Variants in SAMD9L observed in about 807,000 individuals in gnomAD.
SAMD9L encodes sterile alpha motif domain-containing protein 9-like.
Under a neutral mutation model 90.7 loss-of-function variants are expected in SAMD9L, and 68 were observed. That is an observed-to-expected ratio of 0.75 (90% confidence interval 0.62 to 0.92). The LOEUF (loss-of-function observed/expected upper bound fraction) is 0.92. Among genes scored for constraint, SAMD9L ranks in the 40% least tolerant of loss-of-function variants. The pLI is 0.00. For synonymous variants in SAMD9L, 640 were observed against 630.1 expected (o/e 1.02, Z -0.23); for missense variants, 1,604 against 1,824.3 (o/e 0.88, Z 2.20).
At chr7:93,141,828 C>T (rs1403210442) in intron 4 of SAMD9L, among the ~76,000 whole-genome samples, 1 of 152,222 alleles carries the variant, frequency 6.6e-6, no homozygotes. Flanking sequence ...ATGTCACTGA[C>T]TCTTAGTCAG....
In SAMD9L at chr7:93,134,977, A is replaced by AT. The variant is rs773965929; in HGVS notation, c.994dup (p.Ile332AsnfsTer17). ...TGAAAGATTTTGGTTTTGTTTCCAT[A>AT]TTTTATCTTTACAAATTTGCATCTG... On this transcript the variant is annotated frameshift_variant, in exon 5 of 5. Transcript: ENST00000318238. LOFTEE classifies it low-confidence loss of function (END_TRUNC). 20 of 1,613,306 alleles carry AT rather than the reference A, an allele frequency of 1.2e-5. No homozygotes were observed. The highest frequency in any genetic ancestry group is 1.7e-5 in the Non-Finnish European group (20 of 1,179,450).
intron 4 of SAMD9L, among the ~76,000 whole-genome samples, chr7:93,137,498 C>T (rs952226670): frequency 1.3e-5 from 2 of 151,900 alleles, no homozygotes; most frequent in African/African-American, 4.8e-5. Context: ...CTCAGGGCTC[C>T]CACTGAGTCT....
Position 93,133,986 on chromosome 7 carries a change from A to G in SAMD9L, c.1986T>C (p.Asn662=). 6.2e-7 allele frequency: 1 copy of G among 1,613,576 alleles called. No homozygotes were observed. ...VLTALEILCE[N]ECTETDIEKD... is the part of the protein sequence containing the mutation. The stretch of plus-strand genomic sequence containing the variant: ...TCTCGATGTCTGTCTCTGTACACTC[A>G]TTTTCACAGAGGATTTCCAGTGCAG... The change falls in exon 5 of 5, where the codon AAT becomes AAC. Residue 662 remains asparagine (N), a synonymous_variant. Transcript: ENST00000318238.
chr7:93,133,755 A>C lies in SAMD9L; in HGVS notation c.2217T>G (p.Leu739=). ...TACCTCCACAGCCTGGATGATGATA[A>C]AGATTGATGATTTTTGCAAATATTG... is the stretch of plus-strand genomic sequence containing the variant. ...PKPIFAKIIN[L]YHHPGCGGTT... is the part of the protein sequence containing the mutation. Residue 739 remains leucine (L), a synonymous_variant, in exon 5 of 5, where the codon CTT becomes CTG. Transcript: ENST00000318238. 1 of 1,613,842 alleles carries C rather than the reference A, an allele frequency of 6.2e-7. No individual in the cohort carries two copies.
At chr7:93,148,090 A>C (rs1792962265) in intron 1 of SAMD9L, 104 bp downstream of exon 1, 1 of 152,256 alleles carries the variant, frequency 6.6e-6, no homozygotes, top group African/African-American at 2.4e-5. Context: ...GTAATCGTTT[A>C]TGTACAAACA....
intron 4 of SAMD9L, among the ~76,000 whole-genome samples, chr7:93,141,871 C>G (rs1480933339): frequency 1.3e-5 from 2 of 152,200 alleles, no homozygotes; most frequent in African/African-American, 4.8e-5. Flanking sequence ...TCTGACTTCT[C>G]ATCTCGCATG....
chr7:93,138,730 C>T (rs1461288496), intron 4 of SAMD9L, among the ~76,000 whole-genome samples: 1 of 152,104 alleles, frequency 6.6e-6, no homozygotes, highest in Non-Finnish European at 1.5e-5. Flanking sequence ...CCTACTCTTG[C>T]ACCCAGAGCC....
rs1562791205 is a variant in SAMD9L, at chr7:93,133,497, C to T, written c.2475G>A (p.Lys825=). 6.2e-7 allele frequency: 1 copy of T among 1,612,466 alleles called. No individual in the cohort carries two copies. Among genetic ancestry groups the T allele is most frequent in the Non-Finnish European group, 8.5e-7 (1 of 1,179,334 alleles). The change falls in exon 5 of 5, where the codon AAG becomes AAA. Residue 825 remains lysine (K), a synonymous_variant. Transcript: ENST00000318238. The stretch of plus-strand genomic sequence containing the variant: ...CCAATGTTTTTTCATATCGCAAATC[C>T]TTTTCTGCTAAAACGGAATGGATGG... ...QNAIHSVLAE[K]DLRYEKTLVI...
In SAMD9L at chr7:93,133,269, T is replaced by C; in HGVS notation, c.2703A>G (p.Ile901Met). The change falls in exon 5 of 5, where the codon ATA becomes ATG. Residue 901 changes from isoleucine to methionine, a missense_variant. Ile to Met is a conservative substitution (Grantham distance 10). This residue lies in a region of SAMD9L where 606 missense variants were observed against 717.6 expected (regional missense o/e 0.84). Transcript: ENST00000318238. ...TTAGGATATTCCTGACTACATTTTC[T>C]ATATATGTTTCATCAAAATTGCTTT... ...IMKSNFDETY[I>M]ENVVRNILKG... The C allele has an allele frequency of 3.1e-6, 5 of 1,612,756 alleles. No individual in the cohort carries two copies. The highest frequency in any genetic ancestry group is 4.2e-6 in the Non-Finnish European group (5 of 1,179,290).
chr7:93,142,573 A>G (rs1400559375), intron 4 of SAMD9L, among the ~76,000 whole-genome samples: 1 of 152,190 alleles, frequency 6.6e-6, no homozygotes. Flanking sequence ...TTGATGTCCT[A>G]TTGTAAGCTC....
chr7:93,143,014 A>G (rs1562802454), intron 4 of SAMD9L, among the ~76,000 whole-genome samples: 1 of 152,220 alleles, frequency 6.6e-6, no homozygotes, highest in Non-Finnish European at 1.5e-5. Flanking sequence ...TTACATGCCC[A>G]GAGACACTGT....
At chr7:93,136,910 C>G (rs1792476858) in intron 4 of SAMD9L, among the ~76,000 whole-genome samples, 1 of 152,144 alleles carries the variant, frequency 6.6e-6, no homozygotes, top group Non-Finnish European at 1.5e-5. Context: ...ACAAGACCAA[C>G]AGCAGTGGTT....
Position 93,135,433 on chromosome 7 carries a change from T to A in SAMD9L, c.539A>T (p.His180Leu), listed in dbSNP as rs1415610838. The A allele has an allele frequency of 6.2e-7, 1 of 1,614,194 alleles. No homozygotes were observed. The highest frequency in any genetic ancestry group is 8.5e-7 in the Non-Finnish European group (1 of 1,179,992). Reference sequence around the variant, plus strand: ...TCCTGTTTCAGGTTGTAGAGTATAATGTTCTATGTAGCGATGGCTGTCATG... The same window carrying A: ...TCCTGTTTCAGGTTGTAGAGTATAAAGTTCTATGTAGCGATGGCTGTCATG... The part of the protein sequence containing the change: ...QFHDSHRYIE[H>L]YTLQPETGAL... Residue 180 changes from histidine to leucine, a missense_variant, in exon 5 of 5, where the codon CAT becomes CTT. Around this residue, in one of 7 missense-constraint regions of SAMD9L, gnomAD observed 374 missense variants for 363.6 expected, o/e 1.03. Transcript: ENST00000318238.
rs1562790588 is a variant in SAMD9L, at chr7:93,133,180, TA to T, written c.2791del (p.Tyr931MetfsTer30). On this transcript the variant is annotated frameshift_variant, in exon 5 of 5. Coordinates refer to ENST00000318238, the MANE Select transcript of SAMD9L (RefSeq NM_152703.5). LOFTEE classifies it high-confidence loss of function. ...AACTGAAATTGTAGAGTCAGTAACA[TA>T]AGAGCTGAGTAAAGCCAGGAAGGAA... The part of the protein sequence containing the change: ...LISFLALLSS[Y>X]VTDSTISVSQ... The T allele has an allele frequency of 6.2e-7, 1 of 1,613,448 alleles. No individual in the cohort carries two copies. Among genetic ancestry groups the T allele is most frequent in the African/African-American group, 1.3e-5 (1 of 74,902 alleles).
At position 93,132,743 on chromosome 7, in the gene SAMD9L, G is replaced by T. The variant is rs373868315; in HGVS notation, c.3229C>A (p.Arg1077=). ...IEKVLSAGSR[R]FPQNAFICQA... is the part of the protein sequence containing the mutation. ...CAAATGAATGCATTTTGTGGGAATCGTCTACTTCCTGCACTCAAGACCTTT... is the reference window on the plus strand; with the variant it reads ...CAAATGAATGCATTTTGTGGGAATCTTCTACTTCCTGCACTCAAGACCTTT... The change falls in exon 5 of 5, where the codon CGA becomes AGA. Residue 1077 remains arginine, a synonymous_variant. Transcript: ENST00000318238. The T allele has an allele frequency of 1.9e-6, 3 of 1,613,646 alleles. No individual in the cohort carries two copies. The highest frequency in any genetic ancestry group is 2.7e-5 in the African/African-American group (2 of 74,890).
Position 93,132,589 on chromosome 7 carries a change from T to C in SAMD9L, c.3383A>G (p.Lys1128Arg). 1 of 1,613,862 alleles carries C rather than the reference T, an allele frequency of 6.2e-7. No homozygotes were observed. Among genetic ancestry groups the C allele is most frequent in the East Asian group, 2.2e-5 (1 of 44,880 alleles). ...YISDTLGQVY[K>R]SEIKWWLDGN... Reference sequence around the variant, plus strand: ...ATCCAACCACCATTTGATTTCACTTTTGTAGACTTGACCTAGTGTATCTGA... The same window carrying C: ...ATCCAACCACCATTTGATTTCACTTCTGTAGACTTGACCTAGTGTATCTGA... Residue 1128 changes from lysine to arginine, a missense_variant, in exon 5 of 5, where the codon AAA becomes AGA. By Grantham distance (26) the Lys-to-Arg change is conservative (BLOSUM62 2). This residue lies in a region of SAMD9L where 302 missense variants were observed against 314.7 expected (regional missense o/e 0.96). Coordinates refer to ENST00000318238, the MANE Select transcript of SAMD9L (RefSeq NM_152703.5).
chr7:93,147,477 C>G (rs770501678), intron 1 of SAMD9L, among the ~76,000 whole-genome samples: 26 of 152,174 alleles, frequency 1.7e-4, no homozygotes, highest in Admixed American at 5.9e-4. Flanking sequence ...ACAAGCCCAC[C>G]CCATCTTTGA....
chr7:93,139,516 G>A (rs1792597143), intron 4 of SAMD9L, among the ~76,000 whole-genome samples: 1 of 152,140 alleles, frequency 6.6e-6, no homozygotes, highest in Non-Finnish European at 1.5e-5. Flanking sequence ...GAAGACGAAG[G>A]CAGAGGTTAG....
At position 93,131,424 on chromosome 7, in the gene SAMD9L, A is replaced by AG; in HGVS notation, c.4547_4548insC (p.Glu1517Ter). 1 of 1,613,352 alleles carries AG rather than the reference A, an allele frequency of 6.2e-7. No individual in the cohort carries two copies. The highest frequency in any genetic ancestry group is 8.5e-7 in the Non-Finnish European group (1 of 1,179,718). Reference sequence around the variant, plus strand: ...GACGACGCAGGAGGTCTTTGACTTCATTTTTTTTCCACACATCCCCACTGT... The same window carrying AG: ...GACGACGCAGGAGGTCTTTGACTTCAGTTTTTTTTCCACACATCCCCACTGT... On this transcript the variant is annotated frameshift_variant, in exon 5 of 5. Transcript: ENST00000318238. LOFTEE classifies it high-confidence loss of function.
Sources: gnomAD v4.1 joint callset for allele counts (sites outside exome capture counted in the v4.1 genomes callset) on GRCh38, gnomAD v4.1.1 for gene constraint, gnomAD v4.1.1 regional missense constraint, MANE v1.5 for transcripts, NCBI Gene and HGNC (gene_info 2026-07-23, HGNC 2026-07-21) for gene names.